DOK6: variants seen among roughly 807,000 people sequenced by gnomAD.
DOK6 encodes docking protein 6, also known as downstream of tyrosine kinase 6.
DOK6 carries 22 observed loss-of-function variants against 44.0 expected under a neutral mutation model. The ratio of observed to expected loss-of-function variants is 0.50; its 90% CI spans 0.36 to 0.71. DOK6 has a LOEUF of 0.71. DOK6 is among the 30% of genes least tolerant of loss of function. DOK6 has a pLI of 0.00. For missense variants in DOK6, 340 were observed against 416.4 expected (o/e 0.82, Z 1.60); for synonymous variants, 166 against 145.5 (o/e 1.14, Z -1.01).
At chr18:69,507,227 C>T (rs745391309) in intron 1 of DOK6, among the ~76,000 whole-genome samples, 1 of 151,978 alleles carries the variant, frequency 6.6e-6, no homozygotes, top group Non-Finnish European at 1.5e-5. Context: ...GGGGGTTTCA[C>T]CGTGTTAGCC....
intron 7 of DOK6, among the ~76,000 whole-genome samples, chr18:69,777,723 G>T (rs1314584480): frequency 3.5e-5 from 5 of 142,496 alleles, no homozygotes; most frequent in African/African-American, 1.3e-4. Flanking sequence ...CAAGTATTAG[G>T]TCTAGACAGG....
In DOK6 at chr18:69,401,068, G is replaced by T. The variant is rs1916084110; in HGVS notation, c.-177G>T. ...GCGCCGGGCCCCGTTCCCCGTCCGC[G>T]GCGGCCCTGCAGGCGACCCCGCGTC... On this transcript the variant is annotated 5_prime_UTR_variant, in exon 1 of 8. Coordinates refer to ENST00000382713, the MANE Select transcript of DOK6 (RefSeq NM_152721.6). 2 of 343,014 alleles carry T rather than the reference G, an allele frequency of 5.8e-6. No homozygotes were observed. Among genetic ancestry groups the T allele is most frequent in the South Asian group, 1.2e-4 (1 of 8,038 alleles). 21.2% of individuals were successfully genotyped at this position (343,014 alleles called of 1,614,324 possible).
chr18:69,503,030 T>C (rs1272341777), intron 1 of DOK6, among the ~76,000 whole-genome samples: 2 of 152,074 alleles, frequency 1.3e-5, no homozygotes, highest in Non-Finnish European at 2.9e-5. Context: ...TTGTCACATA[T>C]TTTTTCTTAA....
Position 69,848,603 on chromosome 18 carries a change from ATCTG to A in DOK6, c.*7226_*7229del, listed in dbSNP as rs762084689. 2.6e-4 allele frequency: 39 copies of A among 152,372 alleles called. 1 individual carries two copies. In the South Asian group the frequency reaches 2.9e-3, roughly 11 times the overall value. The allele number at this position is 152,372 out of a possible 1,614,324, so 9.4% of individuals were successfully genotyped here. A position where few individuals can be genotyped will look rare whatever the true frequency, so the allele number is the denominator to read the frequency against. On this transcript the variant is annotated 3_prime_UTR_variant, in exon 8 of 8. Transcript: ENST00000382713. Reference sequence around the variant, plus strand: ...AATTAGGAAATTAAATTATTTTTAAATCTGTCTGTGTGATTTTTCCCCTTGGTAA... The same window carrying A: ...AATTAGGAAATTAAATTATTTTTAAATCTGTGTGATTTTTCCCCTTGGTAA...
chr18:69,741,661 C>T (rs1978803101), intron 6 of DOK6, among the ~76,000 whole-genome samples: 1 of 151,996 alleles, frequency 6.6e-6, no homozygotes, highest in African/African-American at 2.4e-5. Flanking sequence ...TATTCCTAGC[C>T]AATTTTTGTA....
intron 2 of DOK6, among the ~76,000 whole-genome samples, chr18:69,580,999 T>C (rs1289909173): frequency 6.6e-6 from 1 of 152,240 alleles, no homozygotes; most frequent in African/African-American, 2.4e-5. Context: ...ACATGACAGA[T>C]GTTCATTCTT....
chr18:69,765,371 G>T (rs772518276), intron 7 of DOK6, among the ~76,000 whole-genome samples: 2 of 152,136 alleles, frequency 1.3e-5, no homozygotes, highest in African/African-American at 4.8e-5. Flanking sequence ...AACATTTATT[G>T]TATGCCCATA....
intron 1 of DOK6, among the ~76,000 whole-genome samples, chr18:69,460,149 G>A (rs982688349): frequency 6.6e-6 from 1 of 152,094 alleles, no homozygotes. Flanking sequence ...TAAGGGAGAG[G>A]AGAAAATTCC....
At chr18:69,764,765 T>C (rs993559629) in intron 7 of DOK6, among the ~76,000 whole-genome samples, 6 of 152,074 alleles carry the variant, frequency 3.9e-5, no homozygotes, top group Admixed American at 1.3e-4. Flanking sequence ...CTTTGACTCC[T>C]TTTTTTTAAA....
intron 7 of DOK6, among the ~76,000 whole-genome samples, chr18:69,814,393 G>A (rs910006294): frequency 1.3e-5 from 2 of 152,066 alleles, no homozygotes; most frequent in African/African-American, 4.8e-5. Flanking sequence ...CCCTTCAGGT[G>A]GATAGATGGT....
At chr18:69,590,125 C>G (rs1397349013) in intron 2 of DOK6, among the ~76,000 whole-genome samples, 1 of 152,126 alleles carries the variant, frequency 6.6e-6, no homozygotes, top group Non-Finnish European at 1.5e-5. Context: ...TCACAGTGAA[C>G]AGCACACTGT....
At chr18:69,750,164 C>A (rs536904344) in intron 6 of DOK6, among the ~76,000 whole-genome samples, 4 of 151,262 alleles carry the variant, frequency 2.6e-5, no homozygotes, top group Non-Finnish European at 4.4e-5. Flanking sequence ...TGATGAACAA[C>A]ACTGTTTCTT....
At chr18:69,632,595 C>A (rs963427721) in intron 3 of DOK6, among the ~76,000 whole-genome samples, 5 of 152,058 alleles carry the variant, frequency 3.3e-5, no homozygotes, top group African/African-American at 1.2e-4. Flanking sequence ...CTTTGACAAC[C>A]AAGATGATTG....
At chr18:69,818,300 T>C (rs1434401621) in intron 7 of DOK6, among the ~76,000 whole-genome samples, 1 of 152,184 alleles carries the variant, frequency 6.6e-6, no homozygotes, top group Non-Finnish European at 1.5e-5. Context: ...AGGAATGTGC[T>C]CTGAGATGGC....
chr18:69,511,743 C>T (rs1868375986), intron 1 of DOK6, among the ~76,000 whole-genome samples: 1 of 152,184 alleles, frequency 6.6e-6, no homozygotes, highest in Admixed American at 6.5e-5. Context: ...AAATATTAAA[C>T]CATTTGCCTT....
At chr18:69,621,591 G>A (rs747535116) in intron 3 of DOK6, among the ~76,000 whole-genome samples, 1 of 152,170 alleles carries the variant, frequency 6.6e-6, no homozygotes, top group Non-Finnish European at 1.5e-5. Flanking sequence ...GATAAGCTGG[G>A]GAGTGAGGCC....
intron 1 of DOK6, among the ~76,000 whole-genome samples, chr18:69,521,086 T>C (rs970894719): frequency 1.3e-5 from 2 of 151,948 alleles, no homozygotes; most frequent in Non-Finnish European, 2.9e-5. Flanking sequence ...ATATCTGTTG[T>C]ACACAACAGA....
At chr18:69,608,120 A>G (rs1389066150) in intron 3 of DOK6, among the ~76,000 whole-genome samples, 2 of 152,234 alleles carry the variant, frequency 1.3e-5, no homozygotes, top group African/African-American at 2.4e-5. Flanking sequence ...AGGAACCCTC[A>G]GTTCAAGTTA....
chr18:69,752,181 T>C (rs781407624), intron 6 of DOK6, among the ~76,000 whole-genome samples: 9 of 152,022 alleles, frequency 5.9e-5, no homozygotes, highest in African/African-American at 2.2e-4. Context: ...AATATAAAAA[T>C]ATAGAAACAT....
Sources: gnomAD v4.1 joint callset for allele counts (sites outside exome capture counted in the v4.1 genomes callset) on GRCh38, gnomAD v4.1.1 for gene constraint, MANE v1.5 for transcripts, NCBI Gene and HGNC (gene_info 2026-07-23, HGNC 2026-07-21) for gene names.